TGFBR3: variants seen among roughly 807,000 people sequenced by gnomAD.
TGFBR3 encodes transforming growth factor beta receptor 3, also known as transforming growth factor beta receptor type 3.
A neutral mutation model predicts 87.9 loss-of-function variants in TGFBR3; 46 were observed. The observed-to-expected ratio is 0.52, with a 90% CI of 0.41 to 0.67. The LOEUF (loss-of-function observed/expected upper bound fraction) is 0.67. Among genes scored for constraint, TGFBR3 ranks in the 30% least tolerant of loss-of-function variants. The pLI is 0.00. For missense variants in TGFBR3, 866 were observed against 1,041.9 expected, an observed-to-expected ratio of 0.83 and a Z score of 2.32; for synonymous variants, 381 against 391.6, an observed-to-expected ratio of 0.97 and a Z score of 0.32.
intron 16 of TGFBR3, among the ~76,000 whole-genome samples, chr1:91,691,209 T>C (rs1321060269): frequency 6.6e-6 from 1 of 151,528 alleles, no homozygotes; most frequent in Non-Finnish European, 1.5e-5. Flanking sequence ...ATTTCTAAAA[T>C]GAGAGAAAAC....
At position 91,680,958 on chromosome 1, in the gene TGFBR3, T is replaced by C. The variant is rs1332997275; in HGVS notation, c.*2781A>G. On this transcript the variant is annotated 3_prime_UTR_variant, in exon 17 of 17. Coordinates refer to ENST00000212355, the MANE Select transcript of TGFBR3 (RefSeq NM_003243.5). ...AGAGTAACAGCTGGTAAACACCACA[T>C]GGTGAAAAGCTATAGCGTATTATAC... The C allele has an allele frequency of 6.6e-6, 3 of 454,112 alleles. No individual in the cohort carries two copies. Among genetic ancestry groups the C allele is most frequent in the Non-Finnish European group, 1.3e-5 (3 of 226,782 alleles). 28.1% of individuals were successfully genotyped at this position (454,112 alleles called of 1,614,324 possible).
chr1:91,697,682 CT>C (rs1671478848), intron 15 of TGFBR3, among the ~76,000 whole-genome samples: 1 of 152,222 alleles, frequency 6.6e-6, no homozygotes, highest in Middle Eastern at 3.2e-3. Flanking sequence ...AATGAGTTCC[CT>C]TAGCATTACG....
chr1:91,885,536 G>A (rs1206492029), intron 1 of TGFBR3, among the ~76,000 whole-genome samples: 1 of 152,210 alleles, frequency 6.6e-6, no homozygotes, highest in African/African-American at 2.4e-5. Context: ...CGCGCCCGGA[G>A]GGAAGTGGCC....
chr1:91,865,440 TTAAAG>T (rs1002998854), intron 1 of TGFBR3, among the ~76,000 whole-genome samples: 6 of 151,782 alleles, frequency 4.0e-5, no homozygotes, highest in Admixed American at 3.9e-4. Flanking sequence ...ACCCTAGAAC[TTAAAG>T]TATTTATTTA....
chr1:91,837,244 ATTTAT>A (rs1677098163), intron 2 of TGFBR3, among the ~76,000 whole-genome samples: 2 of 150,786 alleles, frequency 1.3e-5, no homozygotes, highest in African/African-American at 2.4e-5. Flanking sequence ...TTATTTATTT[ATTTAT>A]TTAATTTTCC....
intron 11 of TGFBR3, 81 bp from the exon 12 acceptor site, chr1:91,716,475 T>G: frequency 6.2e-7 from 1 of 1,613,840 alleles, no homozygotes; most frequent in Non-Finnish European, 8.5e-7. Flanking sequence ...CTTTGGCTTT[T>G]AACATCTGAT....
chr1:91,760,371 G>A (rs561591658), intron 3 of TGFBR3, among the ~76,000 whole-genome samples: 26 of 152,282 alleles, frequency 1.7e-4, no homozygotes, highest in African/African-American at 4.3e-4. Flanking sequence ...AGCCCAGATC[G>A]TGCCACTGCA....
At chr1:91,857,835 G>A (rs989165838) in intron 2 of TGFBR3, among the ~76,000 whole-genome samples, 3 of 152,178 alleles carry the variant, frequency 2.0e-5, no homozygotes, top group African/African-American at 7.2e-5. Flanking sequence ...ATATCCCTAA[G>A]TGACTACTAC....
At chr1:91,755,636 G>C (rs1316706363) in intron 4 of TGFBR3, among the ~76,000 whole-genome samples, 6 of 152,176 alleles carry the variant, frequency 3.9e-5, no homozygotes, top group Non-Finnish European at 7.3e-5. Context: ...GTTTACTAAA[G>C]CGGCCACCTT....
At chr1:91,812,907 C>T (rs1222284931) in intron 2 of TGFBR3, among the ~76,000 whole-genome samples, 1 of 152,186 alleles carries the variant, frequency 6.6e-6, no homozygotes, top group Non-Finnish European at 1.5e-5. Context: ...AGCTACCGTG[C>T]CTGGCTGCTT....
chr1:91,836,037 C>T lies in TGFBR3; in HGVS notation c.61+25434G>A, dbSNP rs531890329. Among the ~76,000 whole-genome samples the T allele has an allele frequency of 8.6e-5, 13 of 151,940 alleles. No homozygotes were observed. In the South Asian group the frequency reaches 2.1e-3, roughly 24 times the overall value. On this transcript the variant is annotated intron_variant, in intron 2 of 16. Transcript: ENST00000212355. The stretch of plus-strand genomic sequence containing the variant: ...CCAAGGTGGGCGGATCACCTGAGGT[C>T]GGGAGTTCGAGACCAGCCTGACTAA...
chr1:91,779,057 T>C (rs934334081), intron 3 of TGFBR3, among the ~76,000 whole-genome samples: 2 of 151,944 alleles, frequency 1.3e-5, no homozygotes, highest in Non-Finnish European at 2.9e-5. Flanking sequence ...CAGTGAGCAA[T>C]GGTGAGAGTG....
chr1:91,827,788 C>A (rs1438956580), intron 2 of TGFBR3, among the ~76,000 whole-genome samples: 1 of 152,112 alleles, frequency 6.6e-6, no homozygotes, highest in Non-Finnish European at 1.5e-5. Context: ...CTGTTAACAA[C>A]AATAATAGTG....
At chr1:91,714,965 C>T (rs759387357) in intron 12 of TGFBR3, among the ~76,000 whole-genome samples, 2 of 152,148 alleles carry the variant, frequency 1.3e-5, no homozygotes. Flanking sequence ...AGAGTCAGTG[C>T]GAATGTGAGA....
intron 2 of TGFBR3, among the ~76,000 whole-genome samples, chr1:91,809,486 G>A (rs1675954862): frequency 6.6e-6 from 1 of 152,126 alleles, no homozygotes; most frequent in Non-Finnish European, 1.5e-5. Context: ...CACAACTGCT[G>A]GGGAGTTGAA....
At chr1:91,768,839 A>G (rs1268640178) in intron 3 of TGFBR3, among the ~76,000 whole-genome samples, 1 of 151,864 alleles carries the variant, frequency 6.6e-6, no homozygotes, top group African/African-American at 2.4e-5. Flanking sequence ...CTTTATGGCA[A>G]TGTGAGAATG....
At chr1:91,818,886 T>C (rs1214510775) in intron 2 of TGFBR3, among the ~76,000 whole-genome samples, 1 of 152,198 alleles carries the variant, frequency 6.6e-6, no homozygotes, top group Non-Finnish European at 1.5e-5. Context: ...TTTTCTTAGT[T>C]TTCTTCCTCA....
chr1:91,904,156 C>T (rs1455505308), intron 1 of TGFBR3, among the ~76,000 whole-genome samples: 1 of 152,206 alleles, frequency 6.6e-6, no homozygotes, highest in African/African-American at 2.4e-5. Flanking sequence ...TGCACTCCAA[C>T]CTGGGCAACA....
chr1:91,864,180 G>A (rs936184446), intron 1 of TGFBR3: 1 of 152,236 alleles, frequency 6.6e-6, no homozygotes, highest in African/African-American at 2.4e-5. Flanking sequence ...CGAGGCTTGT[G>A]GGAATATTTA....
Sources: allele counts gnomAD v4.1 joint callset (sites outside exome capture counted in the v4.1 genomes callset), GRCh38; gene constraint gnomAD v4.1.1; transcripts MANE v1.5; gene names NCBI Gene and HGNC (gene_info 2026-07-23, HGNC 2026-07-21).